CPNE5: variants seen among roughly 807,000 people sequenced by gnomAD.
The protein encoded by CPNE5 is copine-5.
CPNE5 carries 42 observed loss-of-function variants against 81.1 expected under a neutral mutation model. The ratio of observed to expected loss-of-function variants is 0.52; its 90% confidence interval spans 0.40 to 0.67. The LOEUF (loss-of-function observed/expected upper bound fraction) is 0.67. CPNE5 is among the 30% of genes least tolerant of loss of function. CPNE5 has a pLI of 0.00. For synonymous variants in CPNE5, 313 were observed against 321.5 expected (o/e 0.97, Z 0.28); for missense variants, 612 against 815.5 (o/e 0.75, Z 3.04).
chr6:36,814,139 G>C (rs1002384891), intron 3 of CPNE5, among the ~76,000 whole-genome samples: 1 of 152,170 alleles, frequency 6.6e-6, no homozygotes, highest in Admixed American at 6.5e-5. Flanking sequence ...TTAGGGACCA[G>C]ATGGGAAAAT....
At chr6:36,807,782 T>C (rs1770729981) in intron 3 of CPNE5, among the ~76,000 whole-genome samples, 1 of 152,134 alleles carries the variant, frequency 6.6e-6, no homozygotes, top group Non-Finnish European at 1.5e-5. Flanking sequence ...GACTTCTCCA[T>C]CAGGATCCAG....
chr6:36,763,065 C>T, intron 11 of CPNE5, 73 bp from the exon 12 acceptor site: 2 of 1,350,004 alleles, frequency 1.5e-6, no homozygotes, highest in East Asian at 2.3e-5. Flanking sequence ...GCCTTGCACA[C>T]ATCCGTTTCT....
intron 3 of CPNE5, among the ~76,000 whole-genome samples, chr6:36,813,088 T>C (rs1332236626): frequency 2.6e-5 from 4 of 152,244 alleles, no homozygotes; most frequent in African/African-American, 7.2e-5. Context: ...TCCCCTGTGT[T>C]CATGCCCACC....
At chr6:36,745,632 T>G in intron 16 of CPNE5, 117 bp from the exon 17 acceptor site, 39 of 1,085,732 alleles carry the variant, frequency 3.6e-5, no homozygotes, top group Non-Finnish European at 3.2e-5. Context: ...AGGTCTTCTC[T>G]GGTGTGGGGT....
intron 12 of CPNE5, among the ~76,000 whole-genome samples, chr6:36,759,000 C>T (rs1199656146): frequency 6.6e-6 from 1 of 152,186 alleles, no homozygotes; most frequent in Non-Finnish European, 1.5e-5. Context: ...AAAATGGCAG[C>T]CCCAGTGCTG....
At chr6:36,768,839 C>T (rs896028376) in intron 10 of CPNE5, among the ~76,000 whole-genome samples, 1 of 152,202 alleles carries the variant, frequency 6.6e-6, no homozygotes, top group Non-Finnish European at 1.5e-5. Flanking sequence ...GGTGAGCAGC[C>T]CTGGCTGGCA....
At chr6:36,822,603 G>T (rs1482042531) in intron 2 of CPNE5, among the ~76,000 whole-genome samples, 1 of 152,134 alleles carries the variant, frequency 6.6e-6, no homozygotes, top group East Asian at 1.9e-4. Context: ...TTACAGCCCG[G>T]AGCAGTTTCA....
At chr6:36,784,251 C>G (rs1768316471) in intron 8 of CPNE5, among the ~76,000 whole-genome samples, 1 of 152,214 alleles carries the variant, frequency 6.6e-6, no homozygotes, top group Non-Finnish European at 1.5e-5. Flanking sequence ...TGCCAAAAGT[C>G]CACTGTGATC....
intron 1 of CPNE5, among the ~76,000 whole-genome samples, chr6:36,834,093 A>G (rs1398331892): frequency 1.3e-5 from 2 of 151,308 alleles, no homozygotes; most frequent in East Asian, 1.9e-4. Context: ...AAAAATCAAA[A>G]AAAATTTAAA....
chr6:36,839,583 C>A (rs1371182526), upstream of CPNE5: 2 of 276,262 alleles, frequency 7.2e-6, no homozygotes, highest in Admixed American at 5.3e-5. The surrounding 1 kb of genome is among the most constrained non-coding windows in gnomAD (Gnocchi z 7.3). Context: ...GGAGGGGGCT[C>A]GGGTGACGCC....
rs1386813560 is a variant in CPNE5, at chr6:36,740,999, GA to G, written c.*1268del. The G allele has an allele frequency of 5.9e-5, 9 of 152,348 alleles. No individual in the cohort carries two copies. In the East Asian group the frequency reaches 1.7e-3, roughly 29 times the overall value. 9.4% of individuals were successfully genotyped at this position (152,348 alleles called of 1,614,324 possible). A position where few individuals can be genotyped will look rare whatever the true frequency, so the allele number is the denominator to read the frequency against. On this transcript the variant is annotated 3_prime_UTR_variant, in exon 21 of 21. Coordinates refer to ENST00000244751, the MANE Select transcript of CPNE5 (RefSeq NM_020939.2). ...GATTGGCATGCATGATCTGCTCCCC[GA>G]GTGGGCAAAGGCTGGGCAGCTGGGT...
At chr6:36,764,484 A>T (rs1002136615) in intron 11 of CPNE5, among the ~76,000 whole-genome samples, 1 of 152,158 alleles carries the variant, frequency 6.6e-6, no homozygotes, top group African/African-American at 2.4e-5. Flanking sequence ...GTACCAGCGG[A>T]CACTGGGGGA....
chr6:36,774,918 C>G (rs1296780463), intron 10 of CPNE5, 43 bp downstream of exon 10: 1 of 1,495,724 alleles, frequency 6.7e-7, no homozygotes, highest in Admixed American at 1.7e-5. Flanking sequence ...TGGGGAGGGC[C>G]CAGAAGCAGA....
intron 3 of CPNE5, among the ~76,000 whole-genome samples, chr6:36,800,623 C>T (rs1770023369): frequency 6.6e-6 from 1 of 152,230 alleles, no homozygotes; most frequent in Non-Finnish European, 1.5e-5. Flanking sequence ...GGTATTCATG[C>T]CCTTGCATAA....
At position 36,788,511 on chromosome 6, in the gene CPNE5, T is replaced by G. The variant is rs6934786; in HGVS notation, c.528+3522A>C. Among the ~76,000 whole-genome samples the G allele has an allele frequency of 8.4e-3, 1,277 of 151,498 alleles. 17 individuals are homozygous for G. The highest frequency in any genetic ancestry group is 0.022 in the African/African-American group (912 of 41,400). ...ATCCCAGCAATCTTAGGCAGACCACTAACTTCTCTGCATCCGTAAAACAGG... is the reference window on the plus strand; with the variant it reads ...ATCCCAGCAATCTTAGGCAGACCACGAACTTCTCTGCATCCGTAAAACAGG... On this transcript the variant is annotated intron_variant, in intron 8 of 20. Transcript: ENST00000244751.
Position 36,746,031 on chromosome 6 carries a change from GATC to G in CPNE5, c.1200+362_1200+364del. ...ACGCCATGCTCCACATCACCCTGGAGATCCACGTCATCCCATCTCAGCACTGAC... is the reference window on the plus strand; with the variant it reads ...ACGCCATGCTCCACATCACCCTGGAGCACGTCATCCCATCTCAGCACTGAC... On this transcript the variant is annotated intron_variant, in intron 16 of 20. Transcript: ENST00000244751. The surrounding 1 kb of genome is among the most constrained non-coding windows in gnomAD (Gnocchi z 4.5). The G allele has an allele frequency of 9.6e-6, 3 of 313,778 alleles. No homozygotes were observed. Among genetic ancestry groups the G allele is most frequent in the Non-Finnish European group, 1.4e-5 (3 of 216,016 alleles). The allele number at this position is 313,778 out of a possible 1,614,324, so 19.4% of individuals were successfully genotyped here.
At chr6:36,744,445 T>C (rs1055046203) in intron 18 of CPNE5, 120 bp from the exon 19 acceptor site, 2 of 746,774 alleles carry the variant, frequency 2.7e-6, no homozygotes, top group East Asian at 2.7e-5. Flanking sequence ...AGAGTGAACA[T>C]GGAGAGACAG....
intron 15 of CPNE5, among the ~76,000 whole-genome samples, chr6:36,747,427 A>G (rs1764303019): frequency 6.6e-6 from 1 of 152,242 alleles, no homozygotes; most frequent in Non-Finnish European, 1.5e-5. Flanking sequence ...CTGTAAAATC[A>G]GAGCAATAAT....
At chr6:36,776,514 G>A (rs1409333377) in intron 9 of CPNE5, among the ~76,000 whole-genome samples, 1 of 152,144 alleles carries the variant, frequency 6.6e-6, no homozygotes, top group East Asian at 1.9e-4. Context: ...AGGAAGAGGA[G>A]CCTGGGGCAG....
Sources: gnomAD v4.1 joint callset for allele counts (sites outside exome capture counted in the v4.1 genomes callset) on GRCh38, gnomAD v4.1.1 for gene constraint, Gnocchi (gnomAD v3.1) non-coding constraint, MANE v1.5 for transcripts, NCBI Gene and HGNC (gene_info 2026-07-23, HGNC 2026-07-21) for gene names.